The following PDSS2 variants were observed in gnomAD, a reference collection of about 807,000 sequenced individuals.
The protein encoded by PDSS2 is all trans-polyprenyl-diphosphate synthase PDSS2.
In PDSS2, 31 loss-of-function variants were observed where a neutral mutation model predicts 44.5. The observed-to-expected ratio is 0.70, with a 90% CI of 0.52 to 0.94. The LOEUF (loss-of-function observed/expected upper bound fraction) is 0.94. Ranked by LOEUF, PDSS2 falls within the 40% of genes least tolerant of loss-of-function variation. PDSS2 has a pLI of 0.00. For synonymous variants in PDSS2, 157 were observed against 180.3 expected (o/e 0.87, Z 1.03); for missense variants, 452 against 482.2 (o/e 0.94, Z 0.59).
At chr6:107,190,170 T>G (rs1178828544) in intron 7 of PDSS2, among the ~76,000 whole-genome samples, 1 of 152,190 alleles carries the variant, frequency 6.6e-6, no homozygotes, top group Non-Finnish European at 1.5e-5. Flanking sequence ...TATGTTAGCT[T>G]TCTGTCACTA....
intron 1 of PDSS2, among the ~76,000 whole-genome samples, chr6:107,434,487 A>C (rs1781288882): frequency 6.6e-6 from 1 of 152,208 alleles, no homozygotes; most frequent in Admixed American, 6.5e-5. Context: ...CATTAAGTGA[A>C]ATAAACCAGG....
In PDSS2 at chr6:107,402,480, A is replaced by ATATATATACGTATATATATGTATACG. The variant is rs1491297924; in HGVS notation, c.296+56509_296+56510insCGTATACATATATATACGTATATATA. On this transcript the variant is annotated intron_variant, in intron 1 of 7. Coordinates refer to ENST00000369037, the MANE Select transcript of PDSS2 (RefSeq NM_020381.4). The stretch of plus-strand genomic sequence containing the variant: ...TATATATACGTATATATATGTATAC[A>ATATATATACGTATATATATGTATACG]TATATACGTATATATGTATACATAT... Among the ~76,000 whole-genome samples, 4 of 18,228 alleles carry ATATATATACGTATATATATGTATACG rather than the reference A, an allele frequency of 2.2e-4. No homozygotes were observed. In the Admixed American group the frequency reaches 2.4e-3, roughly 11 times the overall value. 12.0% of individuals were successfully genotyped at this position (18,228 alleles called of 152,430 possible).
At chr6:107,258,136 T>C (rs1345124904) in intron 3 of PDSS2, among the ~76,000 whole-genome samples, 1 of 152,194 alleles carries the variant, frequency 6.6e-6, no homozygotes, top group East Asian at 1.9e-4. Context: ...TTAAGCCATA[T>C]ATAAAATTTT....
intron 2 of PDSS2, among the ~76,000 whole-genome samples, chr6:107,326,321 G>A (rs890269750): frequency 7.3e-5 from 11 of 151,504 alleles, no homozygotes; most frequent in African/African-American, 2.7e-4. Context: ...TGTTGGCCAG[G>A]CTGGTCTCAA....
chr6:107,258,465 T>TAAA (rs199659283), intron 3 of PDSS2, among the ~76,000 whole-genome samples: 1 of 120,570 alleles, frequency 8.3e-6, no homozygotes, highest in Non-Finnish European at 1.8e-5. Context: ...TTTAGAAAAC[T>TAAA]AAAAAAAAAA....
chr6:107,252,407 T>A (rs1253735019), intron 3 of PDSS2, among the ~76,000 whole-genome samples: 1 of 152,122 alleles, frequency 6.6e-6, no homozygotes, highest in Non-Finnish European at 1.5e-5. Flanking sequence ...TGCTTATTTG[T>A]GGGAGGGATG....
chr6:107,380,956 A>G (rs1039604944), intron 1 of PDSS2, among the ~76,000 whole-genome samples: 2 of 152,182 alleles, frequency 1.3e-5, no homozygotes, highest in South Asian at 4.1e-4. Context: ...CGAATTGAAG[A>G]ATGGAATGTG....
At position 107,170,037 on chromosome 6, in the gene PDSS2, T is replaced by C. The variant is rs148842001; in HGVS notation, c.1042-15260A>G. On this transcript the variant is annotated intron_variant, in intron 7 of 7. Transcript: ENST00000369037. ...CAGGGACATTTAAGTCTCCAGAGGT[T>C]TCTGCTGCCTTTTGTTTGGCTATGC... Among the ~76,000 whole-genome samples, 928 of 152,276 alleles carry C rather than the reference T, an allele frequency of 6.1e-3. 9 individuals are homozygous for C. The highest frequency in any genetic ancestry group is 0.021 in the African/African-American group (893 of 41,556).
chr6:107,252,919 C>G (rs1056974544), intron 3 of PDSS2, among the ~76,000 whole-genome samples: 1 of 152,130 alleles, frequency 6.6e-6, no homozygotes, highest in African/African-American at 2.4e-5. Flanking sequence ...CTACTATGTG[C>G]CTGGTACTGT....
At chr6:107,193,236 T>C (rs950409600) in intron 7 of PDSS2, among the ~76,000 whole-genome samples, 1 of 152,226 alleles carries the variant, frequency 6.6e-6, no homozygotes, top group Non-Finnish European at 1.5e-5. Context: ...CACTCCAGCC[T>C]GCCCCTGTAC....
rs1234560821 is a variant in PDSS2, at chr6:107,368,700, T to C, written c.297-34368A>G. The stretch of plus-strand genomic sequence containing the variant: ...AAGACCCCATTCTCTACAAAAAACA[T>C]ACCAGGCATCACAGGCACACACCTG... On this transcript the variant is annotated intron_variant, in intron 1 of 7. Coordinates refer to ENST00000369037, the MANE Select transcript of PDSS2 (RefSeq NM_020381.4). 5.3e-5 allele frequency among the ~76,000 whole-genome samples: 8 copies of C among 151,880 alleles called. 1 individual carries two copies. The East Asian group carries it at 1.4e-3, about 26-fold the overall frequency.
intron 6 of PDSS2, among the ~76,000 whole-genome samples, chr6:107,195,328 A>C (rs1338966981): frequency 6.6e-6 from 1 of 151,936 alleles, no homozygotes; most frequent in Non-Finnish European, 1.5e-5. Flanking sequence ...AAAAAATAAA[A>C]AAAATTAGCT....
intron 3 of PDSS2, among the ~76,000 whole-genome samples, chr6:107,266,488 C>T (rs932667748): frequency 2.0e-5 from 3 of 150,616 alleles, no homozygotes; most frequent in African/African-American, 7.3e-5. Flanking sequence ...GAGGGCTGCA[C>T]AGAATAAAGC....
At chr6:107,293,778 G>A (rs1018739343) in intron 2 of PDSS2, among the ~76,000 whole-genome samples, 3 of 152,166 alleles carry the variant, frequency 2.0e-5, no homozygotes, top group Non-Finnish European at 4.4e-5. Context: ...TGGTGAACTG[G>A]AGTGGGCATA....
chr6:107,429,901 A>AAAAATATATATAT (rs1166637352), intron 1 of PDSS2, among the ~76,000 whole-genome samples: 2 of 31,830 alleles, frequency 6.3e-5, no homozygotes, highest in African/African-American at 2.5e-4. Flanking sequence ...AAAAAAAAAA[A>AAAAATATATATAT]ATATATATAT....
At chr6:107,413,334 G>C (rs866958517) in intron 1 of PDSS2, among the ~76,000 whole-genome samples, 15 of 152,154 alleles carry the variant, frequency 9.9e-5, no homozygotes, top group African/African-American at 3.4e-4. Flanking sequence ...TTGAGGTCAG[G>C]AGTTCAGTAC....
intron 1 of PDSS2, among the ~76,000 whole-genome samples, chr6:107,415,607 T>C (rs185287267): frequency 4.6e-5 from 7 of 152,304 alleles, no homozygotes; most frequent in Admixed American, 2.6e-4. Context: ...TAACAACTCA[T>C]TTATTGTGGC....
In PDSS2 at chr6:107,154,775, C is replaced by T. The variant is rs1219084549; in HGVS notation, c.1044G>A (p.Leu348=). The change falls in exon 8 of 8, where the codon TTG becomes TTA. Residue 348 remains leucine (L), a splice_region_variant and synonymous_variant. Transcript: ENST00000369037. The stretch of plus-strand genomic sequence containing the variant: ...CTTTGCCAGCTTTGATTCTTTCTCG[C>T]AACTGTTAAGAAACAAATGCATGAT... ...QEKGRLDYAK[L]RERIKAGKGV... The T allele has an allele frequency of 6.2e-7, 1 of 1,613,894 alleles. No individual in the cohort carries two copies. Among genetic ancestry groups the T allele is most frequent in the Admixed American group, 1.7e-5 (1 of 59,978 alleles).
intron 2 of PDSS2, among the ~76,000 whole-genome samples, chr6:107,290,885 T>G (rs1261149405): frequency 6.6e-6 from 1 of 152,158 alleles, no homozygotes; most frequent in Non-Finnish European, 1.5e-5. Context: ...CACTTGTTTG[T>G]GTTTTATCTC....
Sources: gnomAD v4.1 joint callset for allele counts (sites outside exome capture counted in the v4.1 genomes callset) on GRCh38, gnomAD v4.1.1 for gene constraint, MANE v1.5 for transcripts, NCBI Gene and HGNC (gene_info 2026-07-23, HGNC 2026-07-21) for gene names.